The following RYR2 variants were observed in gnomAD, a reference collection of about 807,000 sequenced individuals.
The protein encoded by RYR2 is ryanodine receptor 2, also known as cardiac muscle ryanodine receptor-calcium release channel.
A neutral mutation model predicts 601.1 loss-of-function variants in RYR2; 227 were observed. That is an observed-to-expected ratio of 0.38 (90% CI 0.34 to 0.42). The LOEUF (loss-of-function observed/expected upper bound fraction) is 0.42. Ranked by LOEUF, RYR2 falls within the 10% of genes least tolerant of loss-of-function variation. RYR2 has a pLI of 1.00. For missense variants in RYR2, 4,646 were observed against 6,156.5 expected, an observed-to-expected ratio of 0.75 and a Z score of 8.21; for synonymous variants, 2,223 against 2,175.1, an observed-to-expected ratio of 1.02 and a Z score of -0.61.
intron 29 of RYR2, among the ~76,000 whole-genome samples, chr1:237,580,322 A>AT (rs1454214911): frequency 6.6e-6 from 1 of 151,250 alleles, no homozygotes; most frequent in African/African-American, 2.4e-5. Flanking sequence ...CGCCTGGCTA[A>AT]TTTTTTGTAT....
intron 51 of RYR2, among the ~76,000 whole-genome samples, chr1:237,652,863 G>C (rs773228599): frequency 1.3e-5 from 2 of 152,112 alleles, no homozygotes; most frequent in African/African-American, 2.4e-5. Context: ...CTCCTAAATT[G>C]TGTGGATGTA....
intron 14 of RYR2, among the ~76,000 whole-genome samples, chr1:237,447,067 C>T (rs61833768): frequency 0.18 from 27,597 of 151,988 alleles, 3,211 homozygotes; most frequent in Non-Finnish European, 0.25. Flanking sequence ...TTGAAATTGT[C>T]GATTTTATAT....
At chr1:237,305,553 T>G (rs1693785813) in intron 2 of RYR2, among the ~76,000 whole-genome samples, 1 of 152,168 alleles carries the variant, frequency 6.6e-6, no homozygotes, top group Non-Finnish European at 1.5e-5. Flanking sequence ...CATCTCAACC[T>G]CCCAAGTATC....
At chr1:237,130,700 T>TA (rs5781935) in intron 1 of RYR2, among the ~76,000 whole-genome samples, 7 of 147,934 alleles carry the variant, frequency 4.7e-5, no homozygotes, top group African/African-American at 5.0e-5. Flanking sequence ...TGTCTCAAAA[T>TA]AAAAAAAAAA....
intron 2 of RYR2, among the ~76,000 whole-genome samples, chr1:237,326,218 CT>C (rs1436410515): frequency 2.0e-5 from 3 of 151,878 alleles, no homozygotes; most frequent in African/African-American, 7.3e-5. Flanking sequence ...TTTTTTCCCC[CT>C]CTAAGACTAT....
At chr1:237,415,486 G>A (rs997654721) in intron 10 of RYR2, among the ~76,000 whole-genome samples, 8 of 152,150 alleles carry the variant, frequency 5.3e-5, no homozygotes, top group African/African-American at 1.9e-4. Flanking sequence ...ATGGGAAGTA[G>A]AAACACCAAT....
At chr1:237,796,659 A>C (rs1374211149) in intron 96 of RYR2, among the ~76,000 whole-genome samples, 1 of 151,468 alleles carries the variant, frequency 6.6e-6, no homozygotes, top group Non-Finnish European at 1.5e-5. Flanking sequence ...TTCTTCATTC[A>C]CTTCAATCTT....
At chr1:237,752,715 T>C (rs1335579356) in intron 80 of RYR2, among the ~76,000 whole-genome samples, 1 of 152,204 alleles carries the variant, frequency 6.6e-6, no homozygotes, top group Non-Finnish European at 1.5e-5. Flanking sequence ...CCTTTCTTCA[T>C]TGTCCCCATT....
At chr1:237,068,873 G>A (rs967973133) in intron 1 of RYR2, among the ~76,000 whole-genome samples, 4 of 151,972 alleles carry the variant, frequency 2.6e-5, no homozygotes, top group African/African-American at 7.2e-5. Flanking sequence ...CTTCCAACCT[G>A]CTCCTAGGTG....
At chr1:237,792,398 CGT>C (rs71162418) in intron 94 of RYR2, 75 bp downstream of exon 94, 171,140 of 481,472 alleles carry the variant, frequency 0.36, 13,039 homozygotes, top group East Asian at 0.46. Context: ...TGTGTGTGTG[CGT>C]GTGTGTGTGT....
At chr1:237,218,030 T>C (rs1445458938) in intron 1 of RYR2, among the ~76,000 whole-genome samples, 1 of 152,182 alleles carries the variant, frequency 6.6e-6, no homozygotes, top group Non-Finnish European at 1.5e-5. Flanking sequence ...TCTATTAACA[T>C]TTCTAAGCTA....
chr1:237,701,358 C>G (rs1687953708), intron 65 of RYR2, among the ~76,000 whole-genome samples: 1 of 152,104 alleles, frequency 6.6e-6, no homozygotes, highest in Admixed American at 6.5e-5. Context: ...TGGTGAAACC[C>G]CGTCTCTACT....
intron 1 of RYR2, among the ~76,000 whole-genome samples, chr1:237,206,339 C>T (rs10925342): frequency 6.3e-4 from 96 of 152,270 alleles, no homozygotes; most frequent in African/African-American, 2.2e-3. Context: ...GCTGCTCCCT[C>T]GAAAACACTT....
At chr1:237,534,144 C>T (rs1668386557) in intron 25 of RYR2, among the ~76,000 whole-genome samples, 1 of 151,866 alleles carries the variant, frequency 6.6e-6, no homozygotes, top group Non-Finnish European at 1.5e-5. Context: ...ACACACTAGG[C>T]AATACTGCTC....
chr1:237,536,504 G>A (rs1404199451), intron 25 of RYR2, among the ~76,000 whole-genome samples: 2 of 151,984 alleles, frequency 1.3e-5, no homozygotes, highest in Admixed American at 6.6e-5. Flanking sequence ...CACGAGGTCA[G>A]GAGATCGAGA....
chr1:237,096,470 G>A (rs1471379167), intron 1 of RYR2, among the ~76,000 whole-genome samples: 1 of 152,158 alleles, frequency 6.6e-6, no homozygotes, highest in Non-Finnish European at 1.5e-5. Context: ...AACAAGACTG[G>A]AAACTTTGAG....
At chr1:237,721,764 C>G (rs996253133) in intron 73 of RYR2, among the ~76,000 whole-genome samples, 7 of 152,170 alleles carry the variant, frequency 4.6e-5, no homozygotes, top group African/African-American at 1.7e-4. Flanking sequence ...AAGTAATCCA[C>G]CCACCTTGGC....
intron 19 of RYR2, 97 bp downstream of exon 19, chr1:237,493,184 T>C: frequency 1.6e-6 from 2 of 1,288,286 alleles, no homozygotes; most frequent in Non-Finnish European, 2.2e-6. Context: ...TTTTTTAAAT[T>C]AGACCATATA....
intron 74 of RYR2, among the ~76,000 whole-genome samples, chr1:237,724,449 C>A (rs931776948): frequency 1.3e-5 from 2 of 151,516 alleles, no homozygotes; most frequent in Admixed American, 6.6e-5. Context: ...TACCCTCCCC[C>A]AAACGTTAAT....
Sources: allele counts gnomAD v4.1 joint callset (sites outside exome capture counted in the v4.1 genomes callset), GRCh38; gene constraint gnomAD v4.1.1; transcripts MANE v1.5; gene names NCBI Gene and HGNC (gene_info 2026-07-23, HGNC 2026-07-21).